The following PCNX1 variants were observed in gnomAD, a reference collection of about 807,000 sequenced individuals.
The protein encoded by PCNX1 is pecanex-like protein 1.
A neutral mutation model predicts 242.2 loss-of-function variants in PCNX1; 78 were observed. That is an observed-to-expected ratio of 0.32 (90% CI 0.27 to 0.39). The LOEUF is 0.39. PCNX1 is among the 10% of genes least tolerant of loss of function. The pLI, the probability that PCNX1 is intolerant of heterozygous loss-of-function variation, is 1.00. For synonymous variants in PCNX1, 1,024 were observed against 1,032.9 expected, an observed-to-expected ratio of 0.99 and a Z score of 0.17; for missense variants, 2,581 against 2,856.5, an observed-to-expected ratio of 0.90 and a Z score of 2.20.
intron 33 of PCNX1, among the ~76,000 whole-genome samples, chr14:71,107,814 A>G (rs2062665485): frequency 1.3e-5 from 2 of 152,250 alleles, no homozygotes; most frequent in Admixed American, 1.3e-4. Flanking sequence ...GCCACATAGT[A>G]GGGCCTTAAT....
chr14:71,042,598 G>A (rs2060740279), intron 19 of PCNX1, among the ~76,000 whole-genome samples: 1 of 151,092 alleles, frequency 6.6e-6, no homozygotes, highest in Non-Finnish European at 1.5e-5. Flanking sequence ...GCATATAATT[G>A]GCTGTTTTTA....
intron 22 of PCNX1, chr14:71,049,111 G>A (rs539541804): frequency 2.2e-6 from 2 of 901,936 alleles, no homozygotes; most frequent in African/African-American, 1.8e-5. Context: ...TCTTATACTG[G>A]TTGGAAAAAA....
At chr14:71,066,601 T>G (rs1595420141) in intron 26 of PCNX1, among the ~76,000 whole-genome samples, 1 of 152,328 alleles carries the variant, frequency 6.6e-6, no homozygotes, top group East Asian at 1.9e-4. Flanking sequence ...ACCCTTTATT[T>G]CTTTCTCTTG....
intron 6 of PCNX1, among the ~76,000 whole-genome samples, chr14:70,980,109 A>G (rs1172236563): frequency 6.6e-6 from 1 of 152,140 alleles, no homozygotes; most frequent in Non-Finnish European, 1.5e-5. Flanking sequence ...TTTTAAGTCA[A>G]CATGCTATGA....
chr14:70,949,587 A>G (rs2057696620), intron 2 of PCNX1, among the ~76,000 whole-genome samples: 1 of 152,104 alleles, frequency 6.6e-6, no homozygotes, highest in Non-Finnish European at 1.5e-5. Context: ...TACCTTAGAA[A>G]CTTAGCTGTT....
At chr14:71,052,695 C>T (rs942291880) in intron 24 of PCNX1, among the ~76,000 whole-genome samples, 1 of 152,054 alleles carries the variant, frequency 6.6e-6, no homozygotes, top group Non-Finnish European at 1.5e-5. Flanking sequence ...CTGGCTATTT[C>T]TAAAGCTAAA....
chr14:70,996,338 T>C (rs1449286976), intron 8 of PCNX1, among the ~76,000 whole-genome samples: 1 of 152,186 alleles, frequency 6.6e-6, no homozygotes, highest in Non-Finnish European at 1.5e-5. Context: ...CACTATAGAA[T>C]CTTTCTTTAA....
Sources: gnomAD v4.1 joint callset for allele counts (sites outside exome capture counted in the v4.1 genomes callset) on GRCh38, gnomAD v4.1.1 for gene constraint, MANE v1.5 for transcripts, NCBI Gene and HGNC (gene_info 2026-07-23, HGNC 2026-07-21) for gene names.